The following CCDC170 variants were observed in gnomAD, a reference collection of about 807,000 sequenced individuals.
The protein encoded by CCDC170 is coiled-coil domain containing 170.
A neutral mutation model predicts 72.6 loss-of-function variants in CCDC170; 69 were observed. The observed-to-expected ratio is 0.95, with a 90% CI of 0.78 to 1.16. The LOEUF (loss-of-function observed/expected upper bound fraction) is 1.16, where lower values mean the gene tolerates loss of function less well. Among genes scored for constraint, CCDC170 ranks in the 50% most tolerant of loss-of-function variants. The pLI, the probability that CCDC170 is intolerant of heterozygous loss-of-function variation, is 0.00. For missense variants in CCDC170, 852 were observed against 832.5 expected (o/e 1.02, Z -0.29); for synonymous variants, 300 against 303.9 (o/e 0.99, Z 0.13).
chr6:151,598,114 A>G (rs1427895907), intron 9 of CCDC170, among the ~76,000 whole-genome samples: 1 of 152,158 alleles, frequency 6.6e-6, no homozygotes, highest in African/African-American at 2.4e-5. Context: ...AGAGAAGGAC[A>G]CATCTGAATA....
At chr6:151,572,649 G>GTTTTTTTTTT (rs1213267537) in intron 5 of CCDC170, among the ~76,000 whole-genome samples, 659 of 37,478 alleles carry the variant, frequency 0.018, 10 homozygotes, top group Non-Finnish European at 0.022. Flanking sequence ...CCTTCTCTGT[G>GTTTTTTTTTT]TTTTTTTTTT....
intron 5 of CCDC170, among the ~76,000 whole-genome samples, chr6:151,568,536 T>A (rs938661450): frequency 6.6e-6 from 1 of 152,244 alleles, no homozygotes. Context: ...GTTGCCACTA[T>A]TCTATCACAT....
chr6:151,518,955 A>G (rs991504640), intron 1 of CCDC170, among the ~76,000 whole-genome samples: 1 of 152,226 alleles, frequency 6.6e-6, no homozygotes, highest in African/African-American at 2.4e-5. Flanking sequence ...CAAAGGGCAA[A>G]GCAAAGATCA....
chr6:151,605,875 G>T (rs113111988), intron 9 of CCDC170, among the ~76,000 whole-genome samples: 8,621 of 150,104 alleles, frequency 0.057, 303 homozygotes, highest in South Asian at 0.096. Context: ...CCGGGGGACA[G>T]TGCCACCAGC....
At position 151,617,950 on chromosome 6, in the gene CCDC170, G is replaced by T; in HGVS notation, c.1951G>T (p.Ala651Ser). Reference sequence around the variant, plus strand: ...GAGTTTCTGTTTGATATTGCAGCTGGCAGACTTCAGGGAGGTGGTGTCGCA... The same window carrying T: ...GAGTTTCTGTTTGATATTGCAGCTGTCAGACTTCAGGGAGGTGGTGTCGCA... ...EEAEKREKQL[A>S]DFREVVSQML... Residue 651 changes from alanine (A) to serine (S), a missense_variant, in exon 11 of 11, where the codon GCA (alanine) becomes TCA (serine). Transcript: ENST00000239374. The T allele has an allele frequency of 6.2e-7, 1 of 1,611,540 alleles. No individual in the cohort carries two copies. The highest frequency in any genetic ancestry group is 8.5e-7 in the Non-Finnish European group (1 of 1,178,120).
chr6:151,612,992 T>G (rs1385631871), intron 9 of CCDC170, among the ~76,000 whole-genome samples: 1 of 152,222 alleles, frequency 6.6e-6, no homozygotes, highest in Non-Finnish European at 1.5e-5. Context: ...CATTCCTTAC[T>G]GATATGTTTA....
At chr6:151,528,881 A>G (rs561172955) in intron 1 of CCDC170, among the ~76,000 whole-genome samples, 1 of 151,982 alleles carries the variant, frequency 6.6e-6, no homozygotes, top group African/African-American at 2.4e-5. Flanking sequence ...TAAAGAAAAA[A>G]AAAGTCTACC....
chr6:151,525,481 C>A (rs1017527418), intron 1 of CCDC170, among the ~76,000 whole-genome samples: 4 of 152,186 alleles, frequency 2.6e-5, no homozygotes, highest in African/African-American at 9.7e-5. Context: ...AATACACCCT[C>A]CCCACCCTTG....
chr6:151,611,193 T>C (rs1011676008), intron 9 of CCDC170, among the ~76,000 whole-genome samples: 3 of 152,094 alleles, frequency 2.0e-5, no homozygotes, highest in African/African-American at 2.4e-5. Flanking sequence ...GGGAATCGCT[T>C]GAACCCGGGA....
intron 5 of CCDC170, among the ~76,000 whole-genome samples, chr6:151,548,932 A>C (rs6557146): frequency 2.6e-5 from 4 of 151,092 alleles, no homozygotes; most frequent in Non-Finnish European, 5.9e-5. Context: ...ACGGAGTCTC[A>C]CTCTGTCACC....
At chr6:151,549,747 C>T (rs1453245603) in intron 5 of CCDC170, among the ~76,000 whole-genome samples, 10 of 152,174 alleles carry the variant, frequency 6.6e-5, no homozygotes, top group African/African-American at 2.2e-4. Flanking sequence ...CTTATATACT[C>T]TTCTGGAAAT....
At chr6:151,603,001 A>G (rs534753569) in intron 9 of CCDC170, among the ~76,000 whole-genome samples, 5 of 152,096 alleles carry the variant, frequency 3.3e-5, no homozygotes, top group African/African-American at 9.6e-5. Flanking sequence ...GGGTTTCACC[A>G]TGTTGGCCAG....
intron 9 of CCDC170, among the ~76,000 whole-genome samples, chr6:151,613,611 G>T (rs1776910660): frequency 6.6e-6 from 1 of 152,018 alleles, no homozygotes; most frequent in African/African-American, 2.4e-5. Context: ...TTTGCAATTG[G>T]CTTCTTTCCC....
At chr6:151,553,273 T>A (rs190230863) in intron 5 of CCDC170, among the ~76,000 whole-genome samples, 1 of 152,196 alleles carries the variant, frequency 6.6e-6, no homozygotes, top group African/African-American at 2.4e-5. Flanking sequence ...AAGCTAGGAT[T>A]TGAACCCATA....
intron 6 of CCDC170, among the ~76,000 whole-genome samples, chr6:151,576,417 T>C (rs1358930861): frequency 6.6e-6 from 1 of 152,186 alleles, no homozygotes; most frequent in East Asian, 1.9e-4. Context: ...TTTTTTTTTT[T>C]TTGCCATTTC....
chr6:151,536,531 C>T (rs1043881838), intron 2 of CCDC170, 85 bp downstream of exon 2: 44 of 1,474,718 alleles, frequency 3.0e-5, no homozygotes, highest in Non-Finnish European at 3.9e-5. Flanking sequence ...AATCCCAGCA[C>T]TTTGGGAGGC....
rs1782583407 is a variant in CCDC170, at chr6:151,536,444, G to A, written c.184G>A (p.Glu62Lys). Reference protein sequence around the residue: ...TLVKFECAQSELQDLRSKMLS... With the variant: ...TLVKFECAQSKLQDLRSKMLS... Reference sequence around the variant, plus strand: ...GGTCAAATTTGAATGTGCTCAGTCTGAGGTAAGATAATGCATTTCCAGCAC... The same window carrying A: ...GGTCAAATTTGAATGTGCTCAGTCTAAGGTAAGATAATGCATTTCCAGCAC... Residue 62 changes from glutamate (E) to lysine (K), a missense_variant and splice_region_variant, in exon 2 of 11, where the codon GAG (glutamate) becomes AAG (lysine). Physicochemically the swap from Glu to Lys is moderately conservative, Grantham distance 56. Transcript: ENST00000239374. The A allele has an allele frequency of 6.2e-7, 1 of 1,613,874 alleles. No individual in the cohort carries two copies. The highest frequency in any genetic ancestry group is 8.5e-7 in the Non-Finnish European group (1 of 1,179,944).
chr6:151,596,755 G>A (rs996886931), intron 9 of CCDC170, among the ~76,000 whole-genome samples, 178 bp downstream of exon 9: 1 of 152,190 alleles, frequency 6.6e-6, no homozygotes, highest in African/African-American at 2.4e-5. Context: ...TATCCATTCA[G>A]TGTCTCTTCA....
Position 151,573,266 on chromosome 6 carries a change from T to A in CCDC170, c.867T>A (p.Asp289Glu). The change falls in exon 6 of 11, where the codon GAT becomes GAA. Residue 289 changes from aspartate (D) to glutamate (E), a missense_variant. Asp to Glu is a conservative substitution (Grantham distance 45). Coordinates refer to ENST00000239374, the MANE Select transcript of CCDC170 (RefSeq NM_025059.4). ...ERLLAGQQVW[D>E]ASKQEVSLLK... The stretch of plus-strand genomic sequence containing the variant: ...TGCTTGCTGGCCAGCAGGTCTGGGA[T>A]GCCTCAAAGCAGGAAGTGAGCCTCC... 1 of 1,614,184 alleles carries A rather than the reference T, an allele frequency of 6.2e-7. No homozygotes were observed. Among genetic ancestry groups the A allele is most frequent in the Non-Finnish European group, 8.5e-7 (1 of 1,180,022 alleles).
Sources: gnomAD v4.1 joint callset for allele counts (sites outside exome capture counted in the v4.1 genomes callset) on GRCh38, gnomAD v4.1.1 for gene constraint, MANE v1.5 for transcripts, NCBI Gene and HGNC (gene_info 2026-07-23, HGNC 2026-07-21) for gene names.